Variants in RIT2 observed in about 807,000 individuals in gnomAD.
RIT2 encodes the protein Ras like without CAAX 2.
Under a neutral mutation model 23.7 loss-of-function variants are expected in RIT2, and 24 were observed. That is an observed-to-expected ratio of 1.01 (90% CI 0.73 to 1.43). The LOEUF (loss-of-function observed/expected upper bound fraction) is 1.43. Ranked by LOEUF, RIT2 falls within the 40% of genes most tolerant of loss-of-function variation. The pLI, the probability that RIT2 is intolerant of heterozygous loss-of-function variation, is 0.00. For missense variants in RIT2, 236 were observed against 266.9 expected, an observed-to-expected ratio of 0.88 and a Z score of 0.81; for synonymous variants, 107 against 91.1, an observed-to-expected ratio of 1.17 and a Z score of -0.99.
At chr18:42,760,922 A>G (rs1012530262) in intron 4 of RIT2, among the ~76,000 whole-genome samples, 3 of 152,168 alleles carry the variant, frequency 2.0e-5, no homozygotes, top group Non-Finnish European at 4.4e-5. Flanking sequence ...CTATGATTAG[A>G]TATTCTAATA....
At chr18:42,834,186 G>A (rs564608277) in intron 4 of RIT2, among the ~76,000 whole-genome samples, 99 of 152,260 alleles carry the variant, frequency 6.5e-4, no homozygotes, top group Non-Finnish European at 1.1e-3. Flanking sequence ...CTACCATGAA[G>A]CTCACAAGGA....
At chr18:42,867,154 A>G (rs1053873045) in intron 4 of RIT2, among the ~76,000 whole-genome samples, 4 of 152,146 alleles carry the variant, frequency 2.6e-5, no homozygotes, top group Non-Finnish European at 5.9e-5. Context: ...TAGTACTGTC[A>G]ACTCTACTAA....
intron 4 of RIT2, among the ~76,000 whole-genome samples, chr18:42,745,677 C>A (rs1330482991): frequency 6.6e-6 from 1 of 152,068 alleles, no homozygotes; most frequent in Non-Finnish European, 1.5e-5. Flanking sequence ...AAGCTAATAA[C>A]ATTCTGACTT....
chr18:42,771,874 G>C (rs1913559705), intron 4 of RIT2, among the ~76,000 whole-genome samples: 1 of 152,066 alleles, frequency 6.6e-6, no homozygotes, highest in African/African-American at 2.4e-5. Context: ...TAGAAATTTT[G>C]ACACGTTGCC....
chr18:42,931,945 C>A (rs1909335939), intron 3 of RIT2, among the ~76,000 whole-genome samples: 1 of 152,152 alleles, frequency 6.6e-6, no homozygotes, highest in Non-Finnish European at 1.5e-5. Flanking sequence ...CACATACCCA[C>A]ACGTGCTTTC....
At chr18:43,019,861 C>T (rs961380327) in intron 2 of RIT2, among the ~76,000 whole-genome samples, 5 of 151,032 alleles carry the variant, frequency 3.3e-5, no homozygotes, top group African/African-American at 1.2e-4. Context: ...AATCAACATA[C>T]AAAAATCAAT....
chr18:43,011,391 A>G (rs1474312185), intron 2 of RIT2, among the ~76,000 whole-genome samples: 1 of 151,858 alleles, frequency 6.6e-6, no homozygotes, highest in Non-Finnish European at 1.5e-5. Flanking sequence ...TGGCAGCTAT[A>G]TGGAAGACAG....
intron 4 of RIT2, among the ~76,000 whole-genome samples, chr18:42,878,544 C>T (rs1299119183): frequency 1.4e-5 from 2 of 148,112 alleles, no homozygotes; most frequent in African/African-American, 5.1e-5. Context: ...ATTTCAAACC[C>T]ATGTTGTTCA....
intron 4 of RIT2, among the ~76,000 whole-genome samples, chr18:42,832,298 T>C (rs1906480692): frequency 6.6e-6 from 1 of 152,194 alleles, no homozygotes; most frequent in Non-Finnish European, 1.5e-5. Context: ...AGTAAATAGC[T>C]AAGTGATGTA....
At chr18:42,920,126 C>T (rs1909017475) in intron 4 of RIT2, among the ~76,000 whole-genome samples, 1 of 152,118 alleles carries the variant, frequency 6.6e-6, no homozygotes, top group Admixed American at 6.6e-5. Flanking sequence ...CTGCCCACTC[C>T]AAACCCAAAG....
At chr18:43,021,333 T>C (rs9962882) in intron 2 of RIT2, among the ~76,000 whole-genome samples, 40,982 of 151,934 alleles carry the variant, frequency 0.27, 6,356 homozygotes, top group African/African-American at 0.42. Flanking sequence ...CCAAATGAGA[T>C]ATTATCTTAC....
At position 42,923,559 on chromosome 18, in the gene RIT2, A is replaced by C; in HGVS notation, c.426+13T>G. 1 of 1,610,544 alleles carries C rather than the reference A, an allele frequency of 6.2e-7. No individual in the cohort carries two copies. Among genetic ancestry groups the C allele is most frequent in the Non-Finnish European group, 8.5e-7 (1 of 1,177,544 alleles). ...GCAAAAGACAGAAGCTACCAGATAA[A>C]ATCGGCACTCACCTGGCGGAACTGT... On this transcript the variant is annotated intron_variant, in intron 4 of 4. Coordinates refer to ENST00000326695, the MANE Select transcript of RIT2 (RefSeq NM_002930.4).
intron 2 of RIT2, among the ~76,000 whole-genome samples, chr18:43,029,680 C>T (rs1047119215): frequency 6.6e-6 from 1 of 151,998 alleles, no homozygotes; most frequent in African/African-American, 2.4e-5. Context: ...TATCATTGTG[C>T]ACCTTTGACT....
At chr18:43,085,802 C>A (rs1385335996) in intron 1 of RIT2, among the ~76,000 whole-genome samples, 2 of 152,048 alleles carry the variant, frequency 1.3e-5, no homozygotes, top group Non-Finnish European at 2.9e-5. Flanking sequence ...GTGGGAGGGA[C>A]TTAGTGGAAG....
intron 4 of RIT2, among the ~76,000 whole-genome samples, chr18:42,769,786 C>G (rs1055817369): frequency 1.3e-5 from 2 of 150,644 alleles, no homozygotes; most frequent in Non-Finnish European, 3.0e-5. Context: ...GCAAGATATA[C>G]CACCATACAT....
intron 1 of RIT2, among the ~76,000 whole-genome samples, chr18:43,106,492 C>T (rs899613897): frequency 4.6e-5 from 7 of 151,674 alleles, no homozygotes; most frequent in Non-Finnish European, 1.5e-5. Context: ...CTTTATTCGG[C>T]GTTCCATTGT....
intron 3 of RIT2, among the ~76,000 whole-genome samples, chr18:42,925,949 T>C (rs1909170040): frequency 6.6e-6 from 1 of 151,796 alleles, no homozygotes; most frequent in South Asian, 2.1e-4. Context: ...ACATGTACCA[T>C]AATTTATTTA....
At chr18:42,826,776 T>C (rs535394047) in intron 4 of RIT2, among the ~76,000 whole-genome samples, 76 of 152,210 alleles carry the variant, frequency 5.0e-4, no homozygotes, top group African/African-American at 1.8e-3. Context: ...ATGTGCCAAA[T>C]ACACGGTGAA....
At chr18:42,773,646 G>A (rs1913601800) in intron 4 of RIT2, among the ~76,000 whole-genome samples, 1 of 152,086 alleles carries the variant, frequency 6.6e-6, no homozygotes, top group Non-Finnish European at 1.5e-5. Context: ...TTTTAGTACT[G>A]AAATGCATAG....
Sources: allele counts gnomAD v4.1 joint callset (sites outside exome capture counted in the v4.1 genomes callset), GRCh38; gene constraint gnomAD v4.1.1; transcripts MANE v1.5; gene names NCBI Gene and HGNC (gene_info 2026-07-23, HGNC 2026-07-21).